AMPD3: variants seen among roughly 807,000 people sequenced by gnomAD.
AMPD3 encodes AMP deaminase 3.
AMPD3 carries 57 observed loss-of-function variants against 82.3 expected under a neutral mutation model. That is an observed-to-expected ratio of 0.69 (90% CI 0.56 to 0.86). The LOEUF is 0.86. Ranked by LOEUF, AMPD3 falls within the 40% of genes least tolerant of loss-of-function variation. AMPD3 has a pLI of 0.00. For missense variants in AMPD3, 870 were observed against 1,003.8 expected (o/e 0.87, Z 1.80); for synonymous variants, 381 against 394.7 (o/e 0.97, Z 0.41).
chr11:10,468,478 A>C (rs1385943462), intron 2 of AMPD3, among the ~76,000 whole-genome samples: 4 of 152,262 alleles, frequency 2.6e-5, no homozygotes, highest in Non-Finnish European at 5.9e-5. Flanking sequence ...TAACTGTCCT[A>C]AATATATATG....
At chr11:10,481,368 G>T (rs1007619810) in intron 3 of AMPD3, 1 of 882,182 alleles carries the variant, frequency 1.1e-6, no homozygotes, top group Non-Finnish European at 1.4e-6. Context: ...CGCCTTCAGG[G>T]ATAGGACTCA....
chr11:10,486,894 C>T, intron 5 of AMPD3: 1 of 985,430 alleles, frequency 1.0e-6, no homozygotes, highest in Non-Finnish European at 1.2e-6. Flanking sequence ...ACCAGTTTAA[C>T]CCTTACTTCA....
chr11:10,463,998 C>T (rs948479317), intron 2 of AMPD3, among the ~76,000 whole-genome samples: 1 of 152,216 alleles, frequency 6.6e-6, no homozygotes, highest in Non-Finnish European at 1.5e-5. Flanking sequence ...CTGCCACTCA[C>T]TGTCATGCTC....
chr11:10,478,708 T>A lies in AMPD3; in HGVS notation c.404T>A (p.Ile135Asn). 6.2e-7 allele frequency: 1 copy of A among 1,613,508 alleles called. No homozygotes were observed. Among genetic ancestry groups the A allele is most frequent in the Non-Finnish European group, 8.5e-7 (1 of 1,180,020 alleles). The change falls in exon 3 of 15, where the codon ATC (isoleucine) becomes AAC (asparagine). Residue 135 changes from isoleucine (I) to asparagine (N), a missense_variant. Physicochemically the swap from Ile to Asn is moderately radical, Grantham distance 149 (BLOSUM62 -3). Transcript: ENST00000396553. ...YAMPEFQRVT[I>N]SGDYCAGITL... ...ATGCCTGAGTTCCAGCGGGTCACCA[T>A]CAGCGGAGATTACTGTGCCGGGGTA... is the stretch of plus-strand genomic sequence containing the variant.
intron 2 of AMPD3, among the ~76,000 whole-genome samples, chr11:10,468,621 T>C (rs1270088404): frequency 2.6e-5 from 4 of 152,096 alleles, no homozygotes; most frequent in Admixed American, 6.6e-5. Flanking sequence ...CGAGACAAAA[T>C]TAACAAGGAT....
At chr11:10,455,476 T>G in intron 1 of AMPD3, 28 bp downstream of exon 1, 1 of 935,306 alleles carries the variant, frequency 1.1e-6, no homozygotes. Context: ...TGGGGTGGGC[T>G]CCGGTGGGTC....
At chr11:10,481,904 G>A (rs73409956) in intron 3 of AMPD3, 159 bp from the exon 4 acceptor site, 77,473 of 835,020 alleles carry the variant, frequency 0.093, 4,148 homozygotes, top group African/African-American at 0.19. Flanking sequence ...TAGTTTAGGT[G>A]CAATGAACCA....
At chr11:10,479,374 CCCAA>C (rs1198203680) in intron 3 of AMPD3, among the ~76,000 whole-genome samples, 1 of 152,070 alleles carries the variant, frequency 6.6e-6, no homozygotes, top group African/African-American at 2.4e-5. Context: ...TCTCCCTGGC[CCCAA>C]CTCACTACTT....
chr11:10,455,198 T>C (rs1404398066), upstream of AMPD3: 4 of 985,318 alleles, frequency 4.1e-6, no homozygotes, highest in African/African-American at 7.0e-5. Context: ...TGCTCATGGT[T>C]ATTTCCCAGG....
chr11:10,458,254 TAAAAAAAA>T (rs374036957), intron 1 of AMPD3, among the ~76,000 whole-genome samples: 1 of 91,462 alleles, frequency 1.1e-5, no homozygotes, highest in African/African-American at 4.5e-5. Flanking sequence ...ACCTCATCTC[TAAAAAAAA>T]AAAAAAAAAA....
chr11:10,464,387 T>C (rs1193259015), intron 2 of AMPD3, among the ~76,000 whole-genome samples: 1 of 152,174 alleles, frequency 6.6e-6, no homozygotes, highest in Admixed American at 6.5e-5. Flanking sequence ...CAAAGACACA[T>C]AGTGAGTAAA....
intron 8 of AMPD3, 108 bp from the exon 9 acceptor site, chr11:10,495,462 G>A: frequency 6.3e-7 from 1 of 1,592,638 alleles, no homozygotes; most frequent in South Asian, 1.1e-5. Context: ...CTTCCAGCCT[G>A]GGAGCAAGGT....
At chr11:10,461,876 C>A in intron 2 of AMPD3, 136 bp downstream of exon 2, 1 of 798,258 alleles carries the variant, frequency 1.3e-6, no homozygotes, top group Non-Finnish European at 2.1e-6. Context: ...TAACCAAGAC[C>A]ACTTAACTCA....
chr11:10,478,869 C>T, intron 3 of AMPD3, 139 bp downstream of exon 3: 3 of 971,060 alleles, frequency 3.1e-6, no homozygotes, highest in Non-Finnish European at 4.7e-6. Flanking sequence ...GCACAGGAGA[C>T]AAGGAGGGCC....
intron 10 of AMPD3, among the ~76,000 whole-genome samples, chr11:10,498,182 G>A (rs1313993340): frequency 3.3e-5 from 5 of 152,218 alleles, no homozygotes; most frequent in African/African-American, 9.6e-5. Flanking sequence ...GTGTGGCAGC[G>A]CAGGGACTCT....
At chr11:10,453,186 AGTG>A (rs1411543649), upstream of AMPD3, among the ~76,000 whole-genome samples, 1 of 152,184 alleles carries the variant, frequency 6.6e-6, no homozygotes, top group African/African-American at 2.4e-5. Flanking sequence ...CCTGACCTCA[AGTG>A]GTCTGGCCGC....
chr11:10,462,389 A>G (rs1357429873), intron 2 of AMPD3, among the ~76,000 whole-genome samples: 1 of 152,188 alleles, frequency 6.6e-6, no homozygotes, highest in Non-Finnish European at 1.5e-5. Context: ...GACAGGAGTG[A>G]CAAGGAAAGC....
intron 11 of AMPD3, chr11:10,501,211 G>A (rs1247288054): frequency 1.0e-6 from 1 of 985,272 alleles, no homozygotes; most frequent in East Asian, 1.1e-4. Flanking sequence ...ATTCAGGAGA[G>A]TGGCTGGAGG....
intron 1 of AMPD3, 43 bp from the exon 2 acceptor site, chr11:10,461,472 A>T: frequency 3.1e-6 from 5 of 1,613,468 alleles, no homozygotes; most frequent in Non-Finnish European, 4.2e-6. Flanking sequence ...GGTGCTGGTG[A>T]CTCAGGGCAT....
Sources: gnomAD v4.1 joint callset for allele counts (sites outside exome capture counted in the v4.1 genomes callset) on GRCh38, gnomAD v4.1.1 for gene constraint, MANE v1.5 for transcripts, NCBI Gene and HGNC (gene_info 2026-07-23, HGNC 2026-07-21) for gene names.